Variants in PAM observed in about 807,000 individuals in gnomAD.
The protein encoded by PAM is peptidylglycine alpha-amidating monooxygenase.
PAM carries 72 observed loss-of-function variants against 122.1 expected under a neutral mutation model. That is an observed-to-expected ratio of 0.59 (90% confidence interval 0.49 to 0.72). PAM has a LOEUF of 0.72. Among genes scored for constraint, PAM ranks in the 30% least tolerant of loss-of-function variants. The pLI is 0.00. For missense variants in PAM, 1,106 were observed against 1,183.7 expected (o/e 0.93, Z 0.96); for synonymous variants, 389 against 404.4 (o/e 0.96, Z 0.46).
intron 1 of PAM, among the ~76,000 whole-genome samples, chr5:102,796,340 G>C (rs116584740): frequency 6.6e-6 from 1 of 152,120 alleles, no homozygotes; most frequent in African/African-American, 2.4e-5. Flanking sequence ...TGCAACCAGG[G>C]AATCTGACAT....
chr5:103,020,756 G>C (rs1212141002), intron 23 of PAM, among the ~76,000 whole-genome samples: 1 of 152,016 alleles, frequency 6.6e-6, no homozygotes, highest in East Asian at 1.9e-4. Context: ...TCTCATCAAA[G>C]CAGCTGGAAA....
Position 103,006,103 on chromosome 5 carries a change from T to A in PAM, c.1804-698T>A, listed in dbSNP as rs115355326. On this transcript the variant is annotated intron_variant, in intron 18 of 25. Transcript: ENST00000438793. The stretch of plus-strand genomic sequence containing the variant: ...TCACACACCAGCATACTTGGCTAAT[T>A]TTTTTAAATTTTTTGTAGAGATGGG... Among the ~76,000 whole-genome samples the A allele has an allele frequency of 8.2e-3, 1,242 of 152,142 alleles. 15 individuals are homozygous for A. Among genetic ancestry groups the A allele is most frequent in the African/African-American group, 0.028 (1,155 of 41,478 alleles).
intron 16 of PAM, among the ~76,000 whole-genome samples, chr5:102,993,549 A>G (rs879368429): frequency 1.3e-5 from 2 of 152,132 alleles, no homozygotes; most frequent in South Asian, 4.1e-4. Flanking sequence ...GTTGGAAGGG[A>G]TCTTGGAATT....
chr5:102,765,938 G>A (rs1753792510), intron 1 of PAM, among the ~76,000 whole-genome samples: 1 of 151,996 alleles, frequency 6.6e-6, no homozygotes, highest in Non-Finnish European at 1.5e-5. Flanking sequence ...ACATTCACAG[G>A]TACTGGAAGT....
rs930202193 is a variant in PAM at position 102,960,173 on chromosome 5, A to G, written c.1090+114A>G. Reference sequence around the variant, plus strand: ...TTTATTCCCTTCTTCTACCAGTCACATGTACACACATATTTCTTATTTTCT... The same window carrying G: ...TTTATTCCCTTCTTCTACCAGTCACGTGTACACACATATTTCTTATTTTCT... On this transcript the variant is annotated intron_variant, in intron 13 of 25. Transcript: ENST00000438793. 4.4e-5 allele frequency: 26 copies of G among 594,018 alleles called. No homozygotes were observed. In the African/African-American group the frequency reaches 4.7e-4, roughly 11 times the overall value. The allele number at this position is 594,018 out of a possible 1,614,324, so 36.8% of individuals were successfully genotyped here.
At chr5:102,894,913 G>C (rs1795772655) in intron 3 of PAM, among the ~76,000 whole-genome samples, 1 of 151,220 alleles carries the variant, frequency 6.6e-6, no homozygotes, top group East Asian at 2.0e-4. Flanking sequence ...TCATCACCTA[G>C]CTTTAAGCTA....
In PAM at chr5:102,913,461, A is replaced by G. The variant is rs185493826; in HGVS notation, c.269-473A>G. Among the ~76,000 whole-genome samples the G allele has an allele frequency of 9.3e-4, 142 of 152,062 alleles. 3 individuals are homozygous for G. Among genetic ancestry groups the G allele is most frequent in the Non-Finnish European group, 9.0e-4 (61 of 67,910 alleles). On this transcript the variant is annotated intron_variant, in intron 4 of 25. Transcript: ENST00000438793. ...CTTCTTCATATACATCCCAGTGACT[A>G]TCGTACTGTTGTTATTCTAAGATGG...
chr5:102,872,012 T>C (rs976870604), intron 3 of PAM, among the ~76,000 whole-genome samples: 40 of 152,112 alleles, frequency 2.6e-4, no homozygotes, highest in Admixed American at 2.6e-4. Flanking sequence ...CTTAAAGCCT[T>C]ATATTAATTG....
At chr5:102,971,426 G>A (rs1456704604) in intron 14 of PAM, among the ~76,000 whole-genome samples, 1 of 152,160 alleles carries the variant, frequency 6.6e-6, no homozygotes, top group Non-Finnish European at 1.5e-5. Context: ...CAGAAATAGG[G>A]TTTGATGTGT....
intron 1 of PAM, among the ~76,000 whole-genome samples, chr5:102,803,217 G>T (rs530476750): frequency 6.9e-4 from 57 of 82,904 alleles, no homozygotes; most frequent in Non-Finnish European, 1.5e-3. Context: ...AAAGAAGGAA[G>T]GAAGGAAGGA....
chr5:102,805,077 T>C (rs1319430756), intron 1 of PAM, among the ~76,000 whole-genome samples: 1 of 147,116 alleles, frequency 6.8e-6, no homozygotes, highest in Non-Finnish European at 1.5e-5. Context: ...TTTTTTTTTT[T>C]TTTTTTTTTT....
At chr5:102,852,809 T>C (rs1268809595) in intron 1 of PAM, among the ~76,000 whole-genome samples, 1 of 152,162 alleles carries the variant, frequency 6.6e-6, no homozygotes, top group East Asian at 1.9e-4. Context: ...AAGTAAAAAA[T>C]AGTAAACTTG....
chr5:102,955,788 T>G (rs112751088), intron 12 of PAM, among the ~76,000 whole-genome samples: 75 of 152,096 alleles, frequency 4.9e-4, no homozygotes, highest in Non-Finnish European at 7.7e-4. Flanking sequence ...TTAGCAGAGT[T>G]GAATTGCATA....
At chr5:102,976,667 G>T (rs925069209) in intron 15 of PAM, among the ~76,000 whole-genome samples, 8 of 152,150 alleles carry the variant, frequency 5.3e-5, no homozygotes, top group African/African-American at 1.9e-4. Context: ...TTTTATATGA[G>T]ATTATTATAA....
At chr5:102,926,803 C>G (rs1463631531) in intron 7 of PAM, 135 bp downstream of exon 7, 4 of 561,056 alleles carry the variant, frequency 7.1e-6, no homozygotes, top group Non-Finnish European at 1.3e-5. Flanking sequence ...GCTTTTGTTT[C>G]CTTTAATTTG....
intron 3 of PAM, among the ~76,000 whole-genome samples, chr5:102,877,273 T>G (rs893226839): frequency 2.6e-5 from 4 of 152,220 alleles, no homozygotes; most frequent in African/African-American, 9.6e-5. Context: ...TACAATGGAT[T>G]AGTTAAGAAA....
chr5:102,851,168 A>G (rs1277237363), intron 1 of PAM, among the ~76,000 whole-genome samples: 1 of 152,196 alleles, frequency 6.6e-6, no homozygotes, highest in Non-Finnish European at 1.5e-5. Context: ...ATTTTTCTAT[A>G]ATTTTATTAC....
At chr5:102,774,742 ACCCATTGTCAGATATTTTG>A (rs1756716666) in intron 1 of PAM, among the ~76,000 whole-genome samples, 1 of 152,000 alleles carries the variant, frequency 6.6e-6, no homozygotes, top group Non-Finnish European at 1.5e-5. Flanking sequence ...AAGGTTATCA[ACCCATTGTCAGATATTTTG>A]CAATTCATTT....
At chr5:102,984,459 C>T (rs544219467) in intron 15 of PAM, among the ~76,000 whole-genome samples, 1 of 152,094 alleles carries the variant, frequency 6.6e-6, no homozygotes, top group East Asian at 1.9e-4. Flanking sequence ...GTAAAATAGA[C>T]TTTAAGAATG....
Sources: gnomAD v4.1 joint callset for allele counts (sites outside exome capture counted in the v4.1 genomes callset) on GRCh38, gnomAD v4.1.1 for gene constraint, MANE v1.5 for transcripts, NCBI Gene and HGNC (gene_info 2026-07-23, HGNC 2026-07-21) for gene names.